The following C1orf50 variants were observed in gnomAD, a reference collection of about 807,000 sequenced individuals.
C1orf50 encodes the protein uncharacterized protein C1orf50.
In C1orf50, 22 loss-of-function variants were observed where a neutral mutation model predicts 23.3. The observed-to-expected ratio is 0.94, with a 90% CI of 0.67 to 1.35. The LOEUF (loss-of-function observed/expected upper bound fraction) is 1.35. Among genes scored for constraint, C1orf50 ranks in the 40% most tolerant of loss-of-function variants. The pLI is 0.00. For missense variants in C1orf50, 271 were observed against 249.4 expected, an observed-to-expected ratio of 1.09 and a Z score of -0.58; for synonymous variants, 96 against 102.4, an observed-to-expected ratio of 0.94 and a Z score of 0.38.
Position 42,774,737 on chromosome 1 carries a change from G to T in C1orf50, c.283G>T (p.Val95Leu), listed in dbSNP as rs755535120. ...IQHLQEQARKVLEDAHRDANL... is the reference protein window; with the variant it reads ...IQHLQEQARKLLEDAHRDANL... ...TTTGTTACATATCTGTGATTCATAG[G>T]TACTGGAAGATGCTCACAGAGATGC... The change falls in exon 4 of 5, where the codon GTA becomes TTA. Residue 95 changes from valine to leucine, a missense_variant and splice_region_variant. By Grantham distance (32) the Val-to-Leu change is conservative (BLOSUM62 1). Transcript: ENST00000372525. 1 of 1,609,166 alleles carries T rather than the reference G, an allele frequency of 6.2e-7. No individual in the cohort carries two copies. The highest frequency in any genetic ancestry group is 1.1e-5 in the South Asian group (1 of 90,862).
chr1:42,770,905 C>T (rs185411182), intron 2 of C1orf50, among the ~76,000 whole-genome samples: 49 of 152,150 alleles, frequency 3.2e-4, no homozygotes, highest in Non-Finnish European at 4.4e-4. Flanking sequence ...TTTTCATGGT[C>T]GGTCCTCTCC....
chr1:42,767,274 T>C lies in C1orf50; in HGVS notation c.-38T>C. Reference sequence around the variant, plus strand: ...GCCTTTATGCGCAGGCTCTTCCTACTCGCACAGCCCAGGGAGTGGGGAGGA... The same window carrying C: ...GCCTTTATGCGCAGGCTCTTCCTACCCGCACAGCCCAGGGAGTGGGGAGGA... On this transcript the variant is annotated 5_prime_UTR_variant, in exon 1 of 5. Coordinates refer to ENST00000372525, the MANE Select transcript of C1orf50 (RefSeq NM_024097.4). The C allele has an allele frequency of 1.4e-6, 2 of 1,471,052 alleles. No individual in the cohort carries two copies. The highest frequency in any genetic ancestry group is 1.8e-6 in the Non-Finnish European group (2 of 1,114,166). The allele number at this position is 1,471,052 out of a possible 1,614,324, so 91.1% of individuals were successfully genotyped here. A position where few individuals can be genotyped will look rare whatever the true frequency, so the allele number is the denominator to read the frequency against.
intron 2 of C1orf50, among the ~76,000 whole-genome samples, chr1:42,769,428 C>T (rs1046631915): frequency 3.3e-4 from 50 of 151,410 alleles, no homozygotes; most frequent in African/African-American, 8.0e-4. Context: ...GCCTGTAGTC[C>T]GAAGCTACTC....
Position 42,774,881 on chromosome 1 carries a change from A to G in C1orf50, c.414+13A>G. 6.3e-7 allele frequency: 1 copy of G among 1,598,916 alleles called. No homozygotes were observed. Among genetic ancestry groups the G allele is most frequent in the Non-Finnish European group, 8.5e-7 (1 of 1,170,660 alleles). On this transcript the variant is annotated intron_variant, in intron 4 of 4. Coordinates refer to ENST00000372525, the MANE Select transcript of C1orf50 (RefSeq NM_024097.4). Reference sequence around the variant, plus strand: ...CATTTCTCCAAAGGTAAGAACATACATTGTTTGCCCAAAAATCTACTCCAG... The same window carrying G: ...CATTTCTCCAAAGGTAAGAACATACGTTGTTTGCCCAAAAATCTACTCCAG...
chr1:42,775,771 T>TATAC lies in C1orf50; in HGVS notation c.*380_*381insCATA, dbSNP rs1653326441. 6.8e-6 allele frequency: 1 copy of TATAC among 146,462 alleles called. No individual in the cohort carries two copies. 9.1% of individuals were successfully genotyped at this position (146,462 alleles called of 1,614,324 possible). On this transcript the variant is annotated 3_prime_UTR_variant, in exon 5 of 5. Transcript: ENST00000372525. The stretch of plus-strand genomic sequence containing the variant: ...AACTGTTTTCAGTCTTTTATATATA[T>TATAC]ATATATATATATATAACTGGTAGTA...
intron 4 of C1orf50, 72 bp from the exon 5 acceptor site, chr1:42,775,137 G>A: frequency 7.2e-7 from 1 of 1,391,014 alleles, no homozygotes; most frequent in Non-Finnish European, 1.0e-6. Flanking sequence ...AGAGATTGTG[G>A]CATGATTAGG....
chr1:42,772,151 A>G (rs1653238229), intron 2 of C1orf50, among the ~76,000 whole-genome samples: 1 of 152,130 alleles, frequency 6.6e-6, no homozygotes, highest in African/African-American at 2.4e-5. Context: ...CCCAGTGCCT[A>G]GTGTGGTGTC....
chr1:42,767,655 C>G (rs1049454811), intron 2 of C1orf50, 31 bp downstream of exon 2: 1 of 1,564,418 alleles, frequency 6.4e-7, no homozygotes, highest in Non-Finnish European at 8.7e-7. Flanking sequence ...CAGCGAATAA[C>G]CATCTTCGTT....
In C1orf50 at chr1:42,767,328, C is replaced by T; in HGVS notation, c.17C>T (p.Ala6Val). The T allele has an allele frequency of 6.6e-7, 1 of 1,521,488 alleles. No homozygotes were observed. Among genetic ancestry groups the T allele is most frequent in the Non-Finnish European group, 8.8e-7 (1 of 1,140,052 alleles). The allele number at this position is 1,521,488 out of a possible 1,614,324, so 94.2% of individuals were successfully genotyped here. The change falls in exon 1 of 5, where the codon GCG becomes GTG. Residue 6 changes from alanine to valine, a missense_variant. By Grantham distance (64) the Ala-to-Val change is moderately conservative. Transcript: ENST00000372525. The stretch of plus-strand genomic sequence containing the variant: ...GGCGCTGTCATGGAGGACGCCGCCG[C>T]GCCGGGGCGGACCGAGGGGGTCCTT... MEDAA[A>V]PGRTEGVLER... is the part of the protein sequence containing the mutation.
At chr1:42,770,338 G>T (rs1557584233) in intron 2 of C1orf50, among the ~76,000 whole-genome samples, 1 of 152,052 alleles carries the variant, frequency 6.6e-6, no homozygotes, top group Non-Finnish European at 1.5e-5. Flanking sequence ...TAAGAAAAGG[G>T]AGGGTTATTA....
In C1orf50 at chr1:42,775,545, T is replaced by G; in HGVS notation, c.*151T>G. ...AATGTAAATGCTGTCATTATGACTT[T>G]TAATTGGGATGGGAATAATCATTGA... On this transcript the variant is annotated 3_prime_UTR_variant, in exon 5 of 5. Transcript: ENST00000372525. The G allele has an allele frequency of 1.6e-6, 1 of 616,628 alleles. No homozygotes were observed. Among genetic ancestry groups the G allele is most frequent in the Non-Finnish European group, 2.7e-6 (1 of 371,882 alleles). 38.2% of individuals were successfully genotyped at this position (616,628 alleles called of 1,614,324 possible).
At chr1:42,773,709 A>T in intron 3 of C1orf50, 60 bp downstream of exon 3, 1 of 1,170,582 alleles carries the variant, frequency 8.5e-7, no homozygotes, top group East Asian at 2.5e-5. Context: ...GGATTGGCTG[A>T]ACTTGTTTAT....
rs1171001635 is a variant in C1orf50, at chr1:42,777,409, C to T, written c.*2015C>T. 3 of 152,310 alleles carry T rather than the reference C, an allele frequency of 2.0e-5. No homozygotes were observed. Among genetic ancestry groups the T allele is most frequent in the African/African-American group, 7.2e-5 (3 of 41,454 alleles). 9.4% of individuals were successfully genotyped at this position (152,310 alleles called of 1,614,324 possible). ...GCCTGTTGGCAGAATTTCAATTCCA[C>T]AAGGGTTGCTGGCTTCCGGGGTTCC... is the stretch of plus-strand genomic sequence containing the variant. On this transcript the variant is annotated 3_prime_UTR_variant, in exon 5 of 5. Transcript: ENST00000372525.
At position 42,776,274 on chromosome 1, in the gene C1orf50, A is replaced by C. The variant is rs1653339091; in HGVS notation, c.*880A>C. 6.6e-6 allele frequency: 1 copy of C among 152,238 alleles called. No homozygotes were observed. Among genetic ancestry groups the C allele is most frequent in the Non-Finnish European group, 1.5e-5 (1 of 68,044 alleles). The allele number at this position is 152,238 out of a possible 1,614,324, so 9.4% of individuals were successfully genotyped here. A position where few individuals can be genotyped will look rare whatever the true frequency, so the allele number is the denominator to read the frequency against. ...ACAGCCAAATTGTTGACTGTGAGTT[A>C]ACTCAGATTGAAATCCATTTTGACC... On this transcript the variant is annotated 3_prime_UTR_variant, in exon 5 of 5. Transcript: ENST00000372525.
Position 42,775,780 on chromosome 1 carries a change from A to ATATATG in C1orf50, c.*391_*392insGTATAT, listed in dbSNP as rs1347803735. 6.8e-6 allele frequency: 1 copy of ATATATG among 147,420 alleles called. No homozygotes were observed. The highest frequency in any genetic ancestry group is 2.5e-5 in the African/African-American group (1 of 40,204). 9.1% of individuals were successfully genotyped at this position (147,420 alleles called of 1,614,324 possible). On this transcript the variant is annotated 3_prime_UTR_variant, in exon 5 of 5. Transcript: ENST00000372525. ...CAGTCTTTTATATATATATATATAT[A>ATATATG]TATATAACTGGTAGTATTTAACATT... is the stretch of plus-strand genomic sequence containing the variant.
chr1:42,775,468 A>T lies in C1orf50; in HGVS notation c.*74A>T, dbSNP rs1358546674. ...TTGTTGCCCCCACTGTTGCCTTGAG[A>T]ATTGAAGACATGTAGGTGACTCACA... On this transcript the variant is annotated 3_prime_UTR_variant, in exon 5 of 5. Transcript: ENST00000372525. 1 of 1,363,434 alleles carries T rather than the reference A, an allele frequency of 7.3e-7. No individual in the cohort carries two copies. Among genetic ancestry groups the T allele is most frequent in the East Asian group, 2.5e-5 (1 of 40,618 alleles). The allele number at this position is 1,363,434 out of a possible 1,614,324, so 84.5% of individuals were successfully genotyped here. A position where few individuals can be genotyped will look rare whatever the true frequency, so the allele number is the denominator to read the frequency against.
Sources: allele counts gnomAD v4.1 joint callset (sites outside exome capture counted in the v4.1 genomes callset), GRCh38; gene constraint gnomAD v4.1.1; transcripts MANE v1.5; gene names NCBI Gene and HGNC (gene_info 2026-07-23, HGNC 2026-07-21).